P2RX4: variants seen among roughly 807,000 people sequenced by gnomAD.
P2RX4 encodes P2X purinoceptor 4.
A neutral mutation model predicts 48.0 loss-of-function variants in P2RX4; 37 were observed. That is an observed-to-expected ratio of 0.77 (90% CI 0.59 to 1.01). The LOEUF is 1.01. Ranked by LOEUF, P2RX4 falls within the 50% of genes least tolerant of loss-of-function variation. The pLI, the probability that P2RX4 is intolerant of heterozygous loss-of-function variation, is 0.00. For missense variants in P2RX4, 501 were observed against 521.4 expected, an observed-to-expected ratio of 0.96 and a Z score of 0.38; for synonymous variants, 200 against 199.7, an observed-to-expected ratio of 1.00 and a Z score of -0.01.
At chr12:121,227,040 A>G (rs1004631897) in intron 5 of P2RX4, among the ~76,000 whole-genome samples, 2 of 151,768 alleles carry the variant, frequency 1.3e-5, no homozygotes, top group African/African-American at 4.8e-5. Context: ...ACTTGAACCC[A>G]GAGGTTGCAG....
At chr12:121,230,492 G>T (rs58579849) in intron 8 of P2RX4, among the ~76,000 whole-genome samples, 1,713 of 152,290 alleles carry the variant, frequency 0.011, 40 homozygotes, top group African/African-American at 0.038. Context: ...GATCCATACG[G>T]GATCCTAAGA....
chr12:121,233,484 C>T, intron 11 of P2RX4, 39 bp from the exon 12 acceptor site: 1 of 1,593,836 alleles, frequency 6.3e-7, no homozygotes, highest in South Asian at 1.1e-5. Context: ...CACAAGGGGT[C>T]CCAGGGGCAC....
At chr12:121,228,206 A>G (rs1450606170) in intron 5 of P2RX4, among the ~76,000 whole-genome samples, 1 of 151,744 alleles carries the variant, frequency 6.6e-6, no homozygotes, top group Non-Finnish European at 1.5e-5. Context: ...CCTGACCAAC[A>G]TGGTGGAACC....
At chr12:121,233,391 A>G (rs1265005716) in intron 11 of P2RX4, 132 bp from the exon 12 acceptor site, 4 of 903,378 alleles carry the variant, frequency 4.4e-6, no homozygotes, top group African/African-American at 3.3e-5. Context: ...CTTGCGGAAC[A>G]GGAAGGGTTG....
intron 4 of P2RX4, chr12:121,222,733 G>T: frequency 6.7e-7 from 1 of 1,500,060 alleles, no homozygotes; most frequent in Non-Finnish European, 8.9e-7. Flanking sequence ...TCTTTAGCTT[G>T]GCATCACCCT....
intron 5 of P2RX4, among the ~76,000 whole-genome samples, chr12:121,223,703 C>T (rs1006597423): frequency 2.6e-5 from 4 of 152,206 alleles, no homozygotes; most frequent in African/African-American, 7.2e-5. Context: ...CATACACATG[C>T]GTGCACAGCG....
At chr12:121,212,822 A>ATTTTTTTTTTTT (rs1358375217) in intron 1 of P2RX4, 1 of 42,804 alleles carries the variant, frequency 2.3e-5, no homozygotes, top group African/African-American at 1.4e-4. Context: ...ATATATATAT[A>ATTTTTTTTTTTT]TATTTTTTTT....
At chr12:121,217,788 G>A (rs10849857) in intron 2 of P2RX4, among the ~76,000 whole-genome samples, 28,896 of 116,394 alleles carry the variant, frequency 0.25, 3,018 homozygotes, top group African/African-American at 0.28. Context: ...GAAAAAAAAA[G>A]AAAAGAATTA....
chr12:121,217,318 A>G, intron 2 of P2RX4, 37 bp downstream of exon 2: 9 of 1,602,214 alleles, frequency 5.6e-6, no homozygotes, highest in Non-Finnish European at 7.7e-6. Context: ...TAACACTGAC[A>G]CCTTGCTCTT....
Position 121,229,848 on chromosome 12 carries a change from T to C in P2RX4, c.884+749T>C, listed in dbSNP as rs1151880. Among the ~76,000 whole-genome samples the C allele has an allele frequency of 0.15, 22,837 of 152,160 alleles. 1,908 individuals are homozygous for C. Among genetic ancestry groups the C allele is most frequent in the East Asian group, 0.23 (1,175 of 5,162 alleles). ...CTGTCATGAGGCCTTCTGCCTTGTATGTGTCTCTGTGTCTTTTCTTCTTGT... is the reference window on the plus strand; with the variant it reads ...CTGTCATGAGGCCTTCTGCCTTGTACGTGTCTCTGTGTCTTTTCTTCTTGT... On this transcript the variant is annotated intron_variant, in intron 8 of 11. Coordinates refer to ENST00000337233, the MANE Select transcript of P2RX4 (RefSeq NM_002560.3). This position sits in a 1 kb window ranked among gnomAD's most constrained non-coding sequence, Gnocchi z 4.6.
chr12:121,233,894 A>G lies in P2RX4; in HGVS notation c.*345A>G. ...TCCTGTCTCCAGCTCTCTCCAGGACAGGCCCAGTCCTCTGAGGCACGGCGG... is the reference window on the plus strand; with the variant it reads ...TCCTGTCTCCAGCTCTCTCCAGGACGGGCCCAGTCCTCTGAGGCACGGCGG... On this transcript the variant is annotated 3_prime_UTR_variant, in exon 12 of 12. Transcript: ENST00000337233. The G allele has an allele frequency of 8.0e-6, 3 of 375,952 alleles. No individual in the cohort carries two copies. The highest frequency in any genetic ancestry group is 1.5e-5 in the Non-Finnish European group (3 of 199,052). The allele number at this position is 375,952 out of a possible 1,614,324, so 23.3% of individuals were successfully genotyped here.
intron 2 of P2RX4, among the ~76,000 whole-genome samples, chr12:121,218,011 C>T (rs974064163): frequency 2.0e-5 from 3 of 152,116 alleles, no homozygotes; most frequent in Non-Finnish European, 2.9e-5. Context: ...TCCAGATGGC[C>T]TATGTGCTAA....
intron 5 of P2RX4, among the ~76,000 whole-genome samples, chr12:121,227,917 G>C (rs2393850): frequency 0.18 from 25,979 of 144,934 alleles, 2,520 homozygotes; most frequent in East Asian, 0.31. Context: ...AAGACTTCAT[G>C]TCTACAAAAA....
intron 1 of P2RX4, chr12:121,212,814 ATATATATATATTT>A (rs1885960814): frequency 3.2e-5 from 1 of 31,474 alleles, no homozygotes; most frequent in Non-Finnish European, 5.9e-5. Flanking sequence ...ATATATATAT[ATATATATATATTT>A]TTTTTTTTTT....
intron 2 of P2RX4, among the ~76,000 whole-genome samples, chr12:121,219,017 C>G (rs77175664): frequency 6.6e-6 from 1 of 151,988 alleles, no homozygotes; most frequent in Non-Finnish European, 1.5e-5. Flanking sequence ...AGAGCAAGAC[C>G]CCAACTCTAA....
intron 2 of P2RX4, among the ~76,000 whole-genome samples, chr12:121,219,665 A>G (rs963726212): frequency 6.6e-6 from 1 of 151,926 alleles, no homozygotes; most frequent in African/African-American, 2.4e-5. Flanking sequence ...AGATGGAAAG[A>G]AAGAAAGAAT....
intron 1 of P2RX4, chr12:121,216,174 A>T (rs1296856753): frequency 6.6e-6 from 1 of 152,264 alleles, no homozygotes; most frequent in Non-Finnish European, 1.5e-5. Flanking sequence ...GGCCTCATTC[A>T]AAGCCATCCT....
intron 1 of P2RX4, chr12:121,213,656 A>C (rs1886037532): frequency 6.6e-6 from 1 of 152,110 alleles, no homozygotes; most frequent in African/African-American, 2.4e-5. Context: ...AGCCTCTGGA[A>C]TTATGGGACT....
At chr12:121,221,763 C>T in intron 2 of P2RX4, 150 bp from the exon 3 acceptor site, 5 of 700,270 alleles carry the variant, frequency 7.1e-6, no homozygotes, top group Non-Finnish European at 1.3e-5. Context: ...GTTTGAGTCA[C>T]TGTTTTCCAT....
Sources: allele counts gnomAD v4.1 joint callset (sites outside exome capture counted in the v4.1 genomes callset), GRCh38; gene constraint gnomAD v4.1.1; non-coding constraint Gnocchi (gnomAD v3.1); transcripts MANE v1.5; gene names NCBI Gene and HGNC (gene_info 2026-07-23, HGNC 2026-07-21).